Variants in BBS9 observed in about 807,000 individuals in gnomAD.
BBS9 encodes protein PTHB1.
In BBS9, 89 loss-of-function variants were observed where a neutral mutation model predicts 117.7. The observed-to-expected ratio is 0.76, with a 90% CI of 0.64 to 0.90. The LOEUF (loss-of-function observed/expected upper bound fraction) is 0.90. Among genes scored for constraint, BBS9 ranks in the 40% least tolerant of loss-of-function variants. The probability of loss-of-function intolerance (pLI) is 0.00; values close to 1 mark genes in which losing one functional copy is unlikely to be tolerated. For missense variants in BBS9, 982 were observed against 1,042.2 expected (o/e 0.94, Z 0.80); for synonymous variants, 379 against 370.9 (o/e 1.02, Z -0.25).
chr7:33,302,290 C>T lies in BBS9; in HGVS notation c.1016+28334C>T, dbSNP rs181112413. ...GAAGCTTTTTAACTTGATGTGATCC[C>T]ATTTGTCTATTTCTGTTTTCGTTGC... On this transcript the variant is annotated intron_variant, in intron 9 of 22. Coordinates refer to ENST00000242067, the MANE Select transcript of BBS9 (RefSeq NM_198428.3). Among the ~76,000 whole-genome samples, 325 of 152,166 alleles carry T rather than the reference C, an allele frequency of 2.1e-3. 4 individuals are homozygous for T. Among genetic ancestry groups the T allele is most frequent in the Non-Finnish European group, 2.4e-3 (162 of 67,980 alleles).
intron 19 of BBS9, among the ~76,000 whole-genome samples, chr7:33,488,842 C>G (rs1843472872): frequency 6.6e-6 from 1 of 151,960 alleles, no homozygotes; most frequent in Admixed American, 6.6e-5. Context: ...TTATTTCTGT[C>G]CAGAGGAAAG....
chr7:33,340,659 G>T (rs1816321165), intron 10 of BBS9, among the ~76,000 whole-genome samples: 1 of 152,132 alleles, frequency 6.6e-6, no homozygotes. Flanking sequence ...CCTAATGCTG[G>T]TCAGTCAATG....
intron 19 of BBS9, among the ~76,000 whole-genome samples, chr7:33,406,216 A>G (rs902573776): frequency 3.9e-5 from 6 of 152,104 alleles, no homozygotes; most frequent in Non-Finnish European, 8.8e-5. Flanking sequence ...ACAGTTTGTT[A>G]TAATTTCTGT....
At chr7:33,493,856 C>T (rs1453246599) in intron 19 of BBS9, among the ~76,000 whole-genome samples, 1 of 152,184 alleles carries the variant, frequency 6.6e-6, no homozygotes, top group African/African-American at 2.4e-5. Flanking sequence ...TAAAAATATT[C>T]AGTCAATCCA....
At chr7:33,408,271 G>A (rs558338146) in intron 19 of BBS9, among the ~76,000 whole-genome samples, 15 of 152,290 alleles carry the variant, frequency 9.8e-5, no homozygotes, top group South Asian at 4.1e-4. Flanking sequence ...CTGGTGCGCC[G>A]TTTCCTAAGC....
chr7:33,175,077 G>A (rs888638091), intron 4 of BBS9, among the ~76,000 whole-genome samples: 5 of 152,198 alleles, frequency 3.3e-5, no homozygotes, highest in African/African-American at 1.2e-4. Context: ...GCCGAGGCGA[G>A]TGGAACACCT....
intron 19 of BBS9, among the ~76,000 whole-genome samples, chr7:33,442,883 T>C (rs527597316): frequency 1.1e-3 from 160 of 152,290 alleles, no homozygotes; most frequent in Admixed American, 4.8e-3. Context: ...TGTGTAAATA[T>C]AGACAGAAAG....
At position 33,132,154 on chromosome 7, in the gene BBS9, G is replaced by C. The variant is rs961585751; in HGVS notation, c.-12+2113G>C. Among the ~76,000 whole-genome samples, 8 of 152,186 alleles carry C rather than the reference G, an allele frequency of 5.3e-5. No homozygotes were observed. In the East Asian group the frequency reaches 5.8e-4, roughly 11 times the overall value. On this transcript the variant is annotated intron_variant, in intron 1 of 22. Coordinates refer to ENST00000242067, the MANE Select transcript of BBS9 (RefSeq NM_198428.3). Reference sequence around the variant, plus strand: ...TTTGAACTTGTAGTGTTTAGAATTAGTGTGAATAGAGCTATTGCTTTTATA... The same window carrying C: ...TTTGAACTTGTAGTGTTTAGAATTACTGTGAATAGAGCTATTGCTTTTATA...
chr7:33,239,165 A>G (rs1014229194), intron 5 of BBS9, among the ~76,000 whole-genome samples: 1 of 152,156 alleles, frequency 6.6e-6, no homozygotes, highest in African/African-American at 2.4e-5. Flanking sequence ...CCTAATCTTC[A>G]TCAGGCAAAA....
In BBS9 at chr7:33,408,587, C is replaced by T. The variant is rs368159117; in HGVS notation, c.2115+20443C>T. Among the ~76,000 whole-genome samples, 29 of 152,274 alleles carry T rather than the reference C, an allele frequency of 1.9e-4. No individual in the cohort carries two copies. In the East Asian group the frequency reaches 5.4e-3, roughly 28 times the overall value. ...TCCTATTCGGCCATCTTGGCTCCTC[C>T]CACATTTTCTTTATGTAGTTCACTG... is the stretch of plus-strand genomic sequence containing the variant. On this transcript the variant is annotated intron_variant, in intron 19 of 22. Transcript: ENST00000242067.
intron 9 of BBS9, among the ~76,000 whole-genome samples, chr7:33,296,238 A>G (rs1275937346): frequency 6.6e-6 from 1 of 152,146 alleles, no homozygotes; most frequent in Non-Finnish European, 1.5e-5. Flanking sequence ...CCTGATAGTT[A>G]TTTTCTGAAC....
At chr7:33,252,185 TAAG>T (rs1182103703) in intron 5 of BBS9, among the ~76,000 whole-genome samples, 1 of 152,128 alleles carries the variant, frequency 6.6e-6, no homozygotes, top group African/African-American at 2.4e-5. Flanking sequence ...CTCACTATCA[TAAG>T]AACAGTACCA....
chr7:33,519,608 A>C (rs1307297975), intron 20 of BBS9, among the ~76,000 whole-genome samples: 1 of 152,070 alleles, frequency 6.6e-6, no homozygotes, highest in African/African-American at 2.4e-5. Context: ...GTAAAATCTC[A>C]TTTAATTATA....
At chr7:33,214,921 C>CAGTG (rs1467157826) in intron 5 of BBS9, among the ~76,000 whole-genome samples, 3 of 152,334 alleles carry the variant, frequency 2.0e-5, no homozygotes, top group Admixed American at 2.0e-4. Flanking sequence ...GGGCCTGGCG[C>CAGTG]AGTGGCTCAC....
intron 19 of BBS9, among the ~76,000 whole-genome samples, chr7:33,478,615 G>C (rs1842108974): frequency 6.6e-6 from 1 of 152,056 alleles, no homozygotes; most frequent in Admixed American, 6.6e-5. Flanking sequence ...CTTATCAAGA[G>C]CTTTGCTCTA....
chr7:33,527,003 T>C (rs1196371822), intron 20 of BBS9, among the ~76,000 whole-genome samples: 1 of 150,654 alleles, frequency 6.6e-6, no homozygotes, highest in Non-Finnish European at 1.5e-5. Context: ...TGCAATACCC[T>C]GCCGTGTGAG....
chr7:33,589,004 G>T (rs1861427932), intron 21 of BBS9, among the ~76,000 whole-genome samples: 1 of 152,144 alleles, frequency 6.6e-6, no homozygotes, highest in East Asian at 1.9e-4. Context: ...ATGAAGGAAT[G>T]ACATGACTTT....
rs1472057267 is a variant in BBS9 at position 33,152,700 on chromosome 7, G to A, written c.113-1G>A. The A allele has an allele frequency of 1.2e-6, 2 of 1,609,780 alleles. No individual in the cohort carries two copies. Among genetic ancestry groups the A allele is most frequent in the South Asian group, 2.2e-5 (2 of 90,796 alleles). ...TCTTTTTTTTTTTAAATTCTCTACA[G>A]ATAAAATAATTGTGGGTAGCTTTAT... On this transcript the variant is annotated splice_acceptor_variant, in intron 2 of 22. Coordinates refer to ENST00000242067, the MANE Select transcript of BBS9 (RefSeq NM_198428.3). LOFTEE classifies it high-confidence loss of function.
chr7:33,536,677 G>GCCTTCCCCCCGCCCCCCC (rs1851432452), intron 21 of BBS9, among the ~76,000 whole-genome samples: 3 of 37,380 alleles, frequency 8.0e-5, no homozygotes, highest in Admixed American at 4.6e-4. Flanking sequence ...CTGTGATTCG[G>GCCTTCCCCCCGCCCCCCC]CCTTCCCCCC....
Sources: allele counts gnomAD v4.1 joint callset (sites outside exome capture counted in the v4.1 genomes callset), GRCh38; gene constraint gnomAD v4.1.1; transcripts MANE v1.5; gene names NCBI Gene and HGNC (gene_info 2026-07-23, HGNC 2026-07-21).